CTRC: variants seen among roughly 807,000 people sequenced by gnomAD.
The protein encoded by CTRC is chymotrypsin C.
A neutral mutation model predicts 35.7 loss-of-function variants in CTRC; 32 were observed. The observed-to-expected ratio is 0.90, with a 90% CI of 0.68 to 1.20. CTRC has a LOEUF of 1.20. CTRC is among the 50% of genes most tolerant of loss of function. CTRC has a pLI of 0.00. For missense variants in CTRC, 324 were observed against 361.5 expected (o/e 0.90, Z 0.84); for synonymous variants, 119 against 149.5 (o/e 0.80, Z 1.49).
chr1:15,443,292 C>T (rs1708163297), intron 4 of CTRC, 127 bp from the exon 5 acceptor site: 6 of 1,042,168 alleles, frequency 5.8e-6, no homozygotes, highest in Non-Finnish European at 5.9e-6. Flanking sequence ...AGCTGGCAGT[C>T]AGGATGTTTG....
intron 1 of CTRC, 43 bp downstream of exon 1, chr1:15,438,547 G>A (rs369832904): frequency 6.8e-6 from 11 of 1,611,920 alleles, no homozygotes; most frequent in East Asian, 2.2e-5. Flanking sequence ...CTGTGAGCTC[G>A]GGCTGGCCTC....
chr1:15,440,301 C>T lies in CTRC; in HGVS notation c.42C>T (p.Ala14=), dbSNP rs760194187. Residue 14 remains alanine, a splice_region_variant and synonymous_variant, in exon 2 of 8, where the codon GCC becomes GCT. Coordinates refer to ENST00000375949, the MANE Select transcript of CTRC (RefSeq NM_007272.3). Reference sequence around the variant, plus strand: ...TCTTCTGGCCTCCTGTCTCCCCAGCCTCCAGCTGTGGGGTGCCCAGCTTCC... The same window carrying T: ...TCTTCTGGCCTCCTGTCTCCCCAGCTTCCAGCTGTGGGGTGCCCAGCTTCC... ...ITVLAALLAC[A]SSCGVPSFPP... The T allele has an allele frequency of 6.2e-7, 1 of 1,605,654 alleles. No homozygotes were observed. The highest frequency in any genetic ancestry group is 1.3e-5 in the African/African-American group (1 of 74,750).
chr1:15,439,329 G>A (rs10803383), intron 1 of CTRC, among the ~76,000 whole-genome samples: 56,621 of 151,418 alleles, frequency 0.37, 10,687 homozygotes, highest in Middle Eastern at 0.45. Context: ...AGAAGGCTGA[G>A]GCAGGAGAAT....
chr1:15,439,396 C>G (rs1460102499), intron 1 of CTRC, among the ~76,000 whole-genome samples: 1 of 149,194 alleles, frequency 6.7e-6, no homozygotes, highest in Non-Finnish European at 1.5e-5. Flanking sequence ...AAACTCCAGC[C>G]TGGGCAACAA....
chr1:15,446,643 C>T lies in CTRC; in HGVS notation c.*54C>T. ...CCCTGCAACAGCAATAAACTTCCTT[C>T]TCCTCGGGCCACCTGGATCCTTGAT... is the stretch of plus-strand genomic sequence containing the variant. On this transcript the variant is annotated 3_prime_UTR_variant, in exon 8 of 8. Transcript: ENST00000375949. 1 of 1,604,420 alleles carries T rather than the reference C, an allele frequency of 6.2e-7. No homozygotes were observed. Among genetic ancestry groups the T allele is most frequent in the South Asian group, 1.1e-5 (1 of 90,918 alleles).
At position 15,447,211 on chromosome 1, in the gene CTRC, G is replaced by A. The variant is rs1708235575; in HGVS notation, c.*622G>A. On this transcript the variant is annotated 3_prime_UTR_variant, in exon 8 of 8. Coordinates refer to ENST00000375949, the MANE Select transcript of CTRC (RefSeq NM_007272.3). ...TGTTGGCAGGGGCTCTCTGCTTTGAGAAGTGTTTAGTGAGCCAGCCCCTGT... is the reference window on the plus strand; with the variant it reads ...TGTTGGCAGGGGCTCTCTGCTTTGAAAAGTGTTTAGTGAGCCAGCCCCTGT... 5.5e-6 allele frequency: 1 copy of A among 180,496 alleles called. No homozygotes were observed. The highest frequency in any genetic ancestry group is 5.4e-5 in the Admixed American group (1 of 18,472). The allele number at this position is 180,496 out of a possible 1,614,324, so 11.2% of individuals were successfully genotyped here.
At position 15,444,721 on chromosome 1, in the gene CTRC, T is replaced by TG; in HGVS notation, c.614dup (p.Asp206ArgfsTer125). 1 of 1,614,154 alleles carries TG rather than the reference T, an allele frequency of 6.2e-7. No homozygotes were observed. Among genetic ancestry groups the TG allele is most frequent in the African/African-American group, 1.3e-5 (1 of 75,018 alleles). On this transcript the variant is annotated frameshift_variant, in exon 6 of 8. Coordinates refer to ENST00000375949, the MANE Select transcript of CTRC (RefSeq NM_007272.3). LOFTEE classifies it high-confidence loss of function. ...GGGTGAAGAAAACCATGGTGTGCGC[T>TG]GGGGGCGATGGCGTCATCTCAGCCT...
chr1:15,442,748 C>T (rs1708155175), intron 4 of CTRC, among the ~76,000 whole-genome samples, 176 bp downstream of exon 4: 1 of 151,978 alleles, frequency 6.6e-6, no homozygotes, highest in African/African-American at 2.4e-5. Context: ...GACAAATACC[C>T]CCTCATATCC....
At chr1:15,445,518 C>T in intron 6 of CTRC, 79 bp from the exon 7 acceptor site, 2 of 1,498,096 alleles carry the variant, frequency 1.3e-6, no homozygotes. Flanking sequence ...CCCACATCCC[C>T]CACCCCAACC....
chr1:15,446,717 C>A lies in CTRC; in HGVS notation c.*128C>A. 1 of 1,094,782 alleles carries A rather than the reference C, an allele frequency of 9.1e-7. No individual in the cohort carries two copies. Among genetic ancestry groups the A allele is most frequent in the Non-Finnish European group, 1.4e-6 (1 of 715,134 alleles). The allele number at this position is 1,094,782 out of a possible 1,614,324, so 67.8% of individuals were successfully genotyped here. The stretch of plus-strand genomic sequence containing the variant: ...TCCTCTCTGGTGCTGCCCCTTTCCA[C>A]ACTATGGAGCCAAAGAGAGACCCCA... On this transcript the variant is annotated 3_prime_UTR_variant, in exon 8 of 8. Transcript: ENST00000375949.
At chr1:15,446,004 A>ATTCT (rs1231297049) in intron 7 of CTRC, among the ~76,000 whole-genome samples, 2 of 31,790 alleles carry the variant, frequency 6.3e-5, no homozygotes, top group Admixed American at 3.0e-4. Flanking sequence ...TCATTCATGT[A>ATTCT]TTCATTCATT....
rs1393466439 is a variant in CTRC, at chr1:15,449,200, C to T, written c.*2611C>T. 6.6e-6 allele frequency: 1 copy of T among 152,126 alleles called. No individual in the cohort carries two copies. Among genetic ancestry groups the T allele is most frequent in the Non-Finnish European group, 1.5e-5 (1 of 68,034 alleles). The allele number at this position is 152,126 out of a possible 1,614,324, so 9.4% of individuals were successfully genotyped here. ...TGCTCTGCTGCCCTGCAATGTAAAA[C>T]ATCCTCCAGAAAAAAAATAAATAAA... On this transcript the variant is annotated 3_prime_UTR_variant, in exon 8 of 8. Transcript: ENST00000375949.
intron 6 of CTRC, 62 bp downstream of exon 6, chr1:15,444,813 G>A (rs1030867093): frequency 5.6e-6 from 9 of 1,608,302 alleles, no homozygotes; most frequent in Admixed American, 1.7e-5. Flanking sequence ...GTGGGCAAAG[G>A]GGGGTGCGAT....
rs753003339 is a variant in CTRC at position 15,444,621 on chromosome 1, C to A, written c.509C>A (p.Ala170Asp). Residue 170 changes from alanine (A) to aspartate (D), a missense_variant, in exon 6 of 8, where the codon GCT (alanine) becomes GAT (aspartate). Coordinates refer to ENST00000375949, the MANE Select transcript of CTRC (RefSeq NM_007272.3). ...WGRLWTNGPIADKLQQGLQPV... is the reference protein window; with the variant it reads ...WGRLWTNGPIDDKLQQGLQPV... ...CTCTCCCCAGCCAACGGCCCCATTG[C>A]TGATAAGCTGCAGCAGGGCCTGCAG... The A allele has an allele frequency of 6.2e-7, 1 of 1,614,204 alleles. No homozygotes were observed. The highest frequency in any genetic ancestry group is 1.7e-5 in the Admixed American group (1 of 60,028).
In CTRC at chr1:15,446,866, A is replaced by C; in HGVS notation, c.*277A>C. 1.8e-6 allele frequency: 1 copy of C among 570,706 alleles called. No individual in the cohort carries two copies. Among genetic ancestry groups the C allele is most frequent in the Non-Finnish European group, 3.1e-6 (1 of 318,984 alleles). The allele number at this position is 570,706 out of a possible 1,614,324, so 35.4% of individuals were successfully genotyped here. ...GGGGGCTGGGGTGGAGAGCCCAGGG[A>C]GTCCTGCGTGAAGCCGGAGGGGATG... On this transcript the variant is annotated 3_prime_UTR_variant, in exon 8 of 8. Coordinates refer to ENST00000375949, the MANE Select transcript of CTRC (RefSeq NM_007272.3).
chr1:15,439,146 C>T (rs758698455), intron 1 of CTRC, among the ~76,000 whole-genome samples: 28 of 151,904 alleles, frequency 1.8e-4, no homozygotes, highest in Non-Finnish European at 3.5e-4. Flanking sequence ...GGGTCTATTG[C>T]CAGGCATGGT....
chr1:15,442,351 C>T (rs954848848), intron 3 of CTRC, 96 bp from the exon 4 acceptor site: 8 of 1,472,302 alleles, frequency 5.4e-6, no homozygotes, highest in Admixed American at 2.0e-5. Context: ...TCTCTTCCCC[C>T]AAAATGAGTC....
At chr1:15,443,209 G>A (rs1312110463) in intron 4 of CTRC, among the ~76,000 whole-genome samples, 2 of 152,194 alleles carry the variant, frequency 1.3e-5, no homozygotes, top group East Asian at 3.8e-4. Flanking sequence ...GTGAGAAGAA[G>A]CTATGTCAAC....
In CTRC at chr1:15,442,579, G is replaced by C. The variant is rs773334021; in HGVS notation, c.356+7G>C. The C allele has an allele frequency of 3.0e-5, 49 of 1,613,792 alleles. No individual in the cohort carries two copies. The Admixed American group carries it at 7.8e-4, about 26-fold the overall frequency. The stretch of plus-strand genomic sequence containing the variant: ...GGAATGCCCTCCTGTTGCGGTGAGT[G>C]ACAGACTGCCCATCCCACAGCCACT... On this transcript the variant is annotated splice_region_variant and intron_variant, in intron 4 of 7. Transcript: ENST00000375949.
Sources: allele counts gnomAD v4.1 joint callset (sites outside exome capture counted in the v4.1 genomes callset), GRCh38; gene constraint gnomAD v4.1.1; transcripts MANE v1.5; gene names NCBI Gene and HGNC (gene_info 2026-07-23, HGNC 2026-07-21).